Variants in CABLES1 observed in about 807,000 individuals in gnomAD.
The protein encoded by CABLES1 is Cdk5 and Abl enzyme substrate 1, also known as CDK5 and ABL1 enzyme substrate 1.
In CABLES1, 36 loss-of-function variants were observed where a neutral mutation model predicts 57.8. That is an observed-to-expected ratio of 0.62 (90% CI 0.48 to 0.82). The LOEUF (loss-of-function observed/expected upper bound fraction) is 0.82, where lower values mean the gene tolerates loss of function less well. Among genes scored for constraint, CABLES1 ranks in the 40% least tolerant of loss-of-function variants. CABLES1 has a pLI of 0.00. For missense variants in CABLES1, 767 were observed against 836.6 expected (o/e 0.92, Z 1.03); for synonymous variants, 374 against 363.0 (o/e 1.03, Z -0.35).
At chr18:23,254,028 A>G (rs1402609250) in intron 9 of CABLES1, 92 bp downstream of exon 9, 5 of 1,063,416 alleles carry the variant, frequency 4.7e-6, no homozygotes, top group Admixed American at 1.8e-5. Flanking sequence ...CCTGCCTGGA[A>G]GGATTCTGAT....
intron 3 of CABLES1, among the ~76,000 whole-genome samples, chr18:23,195,425 C>T (rs190974048): frequency 1.3e-5 from 2 of 152,282 alleles, no homozygotes; most frequent in East Asian, 3.9e-4. Context: ...CTCTCTAATC[C>T]ATACAAAATG....
intron 1 of CABLES1, among the ~76,000 whole-genome samples, chr18:23,138,777 A>G (rs2046839247): frequency 6.6e-6 from 1 of 152,160 alleles, no homozygotes; most frequent in Non-Finnish European, 1.5e-5. Flanking sequence ...TTCCATGTAC[A>G]TGTTACCTCA....
At chr18:23,143,773 G>C (rs1485837598) in intron 1 of CABLES1, among the ~76,000 whole-genome samples, 4 of 151,986 alleles carry the variant, frequency 2.6e-5, no homozygotes, top group Non-Finnish European at 5.9e-5. Context: ...TTCACAGCCT[G>C]GATAATGTGG....
At chr18:23,186,037 A>C (rs2047199974) in intron 1 of CABLES1, among the ~76,000 whole-genome samples, 1 of 152,214 alleles carries the variant, frequency 6.6e-6, no homozygotes, top group African/African-American at 2.4e-5. Flanking sequence ...TGTGCTTCTC[A>C]GTGCACCCCA....
intron 1 of CABLES1, among the ~76,000 whole-genome samples, chr18:23,147,743 A>G (rs1168158443): frequency 6.6e-6 from 1 of 152,294 alleles, no homozygotes; most frequent in East Asian, 1.9e-4. Context: ...GGGAATTCAC[A>G]TGTTCATCCT....
chr18:23,175,407 T>A (rs1172974880), intron 1 of CABLES1, among the ~76,000 whole-genome samples: 1 of 152,212 alleles, frequency 6.6e-6, no homozygotes, highest in African/African-American at 2.4e-5. Flanking sequence ...TTTGACCTCA[T>A]TCCTGGGCTT....
intron 4 of CABLES1, among the ~76,000 whole-genome samples, chr18:23,220,334 T>C (rs1458190664): frequency 1.3e-5 from 2 of 152,202 alleles, no homozygotes; most frequent in African/African-American, 4.8e-5. Context: ...GTCCACATGC[T>C]TTATATGCGC....
chr18:23,156,011 C>T lies in CABLES1; in HGVS notation c.845+19404C>T. ...AGAGCTGAGTCTGTTTTTTTGGCTC[C>T]CCCCTTTGGATGCTGACGGTCTTTG... On this transcript the variant is annotated intron_variant, in intron 1 of 9. Coordinates refer to ENST00000256925, the MANE Select transcript of CABLES1 (RefSeq NM_001100619.3). 2.5e-6 allele frequency: 4 copies of T among 1,593,464 alleles called. No homozygotes were observed. The South Asian group carries it at 3.3e-5, about 13-fold the overall frequency.
intron 4 of CABLES1, among the ~76,000 whole-genome samples, chr18:23,218,324 C>G (rs77523638): frequency 0.017 from 1,221 of 72,736 alleles, 1 homozygote; most frequent in Middle Eastern, 0.039. Flanking sequence ...ACTTGCCCTG[C>G]CTCCCGCATC....
intron 1 of CABLES1, among the ~76,000 whole-genome samples, chr18:23,167,770 G>T (rs1251212591): frequency 1.3e-5 from 2 of 152,192 alleles, no homozygotes; most frequent in African/African-American, 4.8e-5. Flanking sequence ...GGAAGCGGTG[G>T]TTCCAAGCCA....
chr18:23,135,879 C>T lies in CABLES1; in HGVS notation c.117C>T (p.Pro39=), dbSNP rs1478401567. 1.9e-6 allele frequency: 2 copies of T among 1,044,122 alleles called. No individual in the cohort carries two copies. Among genetic ancestry groups the T allele is most frequent in the Admixed American group, 5.5e-5 (1 of 18,238 alleles). 64.7% of individuals were successfully genotyped at this position (1,044,122 alleles called of 1,614,324 possible). The part of the protein sequence containing the change: ...QQPPPQPQPQ[P]AAAAPAQPPP... Reference sequence around the variant, plus strand: ...CGCCGCCGCAGCCCCAGCCTCAGCCCGCGGCCGCCGCGCCGGCCCAGCCGC... The same window carrying T: ...CGCCGCCGCAGCCCCAGCCTCAGCCTGCGGCCGCCGCGCCGGCCCAGCCGC... Residue 39 remains proline, a synonymous_variant, in exon 1 of 10, where the codon CCC becomes CCT. Transcript: ENST00000256925.
rs2048196991 is a variant in CABLES1 at position 23,257,487 on chromosome 18, T to A, written c.*120T>A. On this transcript the variant is annotated 3_prime_UTR_variant, in exon 10 of 10. Transcript: ENST00000256925. ...TACCAGACTTTTCTTCCTCTCGACA[T>A]AGTTTGGGGAGAAGCAGTACTAGAA... 2 of 1,159,294 alleles carry A rather than the reference T, an allele frequency of 1.7e-6. No individual in the cohort carries two copies. Among genetic ancestry groups the A allele is most frequent in the African/African-American group, 3.1e-5 (2 of 63,664 alleles). 71.8% of individuals were successfully genotyped at this position (1,159,294 alleles called of 1,614,324 possible). A position where few individuals can be genotyped will look rare whatever the true frequency, so the allele number is the denominator to read the frequency against.
intron 1 of CABLES1, among the ~76,000 whole-genome samples, chr18:23,144,249 G>C (rs1225124644): frequency 1.3e-5 from 2 of 152,214 alleles, no homozygotes; most frequent in East Asian, 3.8e-4. Flanking sequence ...GATTGCCCTG[G>C]GGCCAGCTTT....
chr18:23,170,250 G>C (rs1167627298), intron 1 of CABLES1, among the ~76,000 whole-genome samples: 1 of 152,222 alleles, frequency 6.6e-6, no homozygotes, highest in Non-Finnish European at 1.5e-5. Flanking sequence ...CCTTAGCAGA[G>C]TGCATGGCGC....
chr18:23,215,774 G>T (rs966773580), intron 4 of CABLES1, among the ~76,000 whole-genome samples: 6 of 148,400 alleles, frequency 4.0e-5, no homozygotes, highest in African/African-American at 1.5e-4. Flanking sequence ...TTTTTTTTGA[G>T]ACAGAGTCTT....
Position 23,208,596 on chromosome 18 carries a change from G to A in CABLES1, c.1011-5381G>A, listed in dbSNP as rs73968407. ...GGACATTGGCCTTCATGCCTTCACC[G>A]TCTCTGTGCACAGCACTCATAGTGT... On this transcript the variant is annotated intron_variant, in intron 3 of 9. Transcript: ENST00000256925. Among the ~76,000 whole-genome samples, 382 of 152,274 alleles carry A rather than the reference G, an allele frequency of 2.5e-3. 1 individual carries two copies. Among genetic ancestry groups the A allele is most frequent in the African/African-American group, 8.4e-3 (349 of 41,570 alleles).
intron 9 of CABLES1, among the ~76,000 whole-genome samples, chr18:23,255,734 T>C (rs966285563): frequency 5.3e-5 from 8 of 151,902 alleles, no homozygotes; most frequent in Non-Finnish European, 1.0e-4. Flanking sequence ...TAATTTTTTT[T>C]ATTTTTTATA....
At chr18:23,240,561 C>T (rs2047710075) in intron 7 of CABLES1, among the ~76,000 whole-genome samples, 1 of 152,260 alleles carries the variant, frequency 6.6e-6, no homozygotes, top group Non-Finnish European at 1.5e-5. Context: ...GTGAGGATCT[C>T]TGCCCAGACA....
At chr18:23,138,439 T>C (rs895818381) in intron 1 of CABLES1, among the ~76,000 whole-genome samples, 2 of 152,202 alleles carry the variant, frequency 1.3e-5, no homozygotes, top group African/African-American at 4.8e-5. Flanking sequence ...TTCTGAATAA[T>C]CCGTATCTGG....
Sources: allele counts gnomAD v4.1 joint callset (sites outside exome capture counted in the v4.1 genomes callset), GRCh38; gene constraint gnomAD v4.1.1; transcripts MANE v1.5; gene names NCBI Gene and HGNC (gene_info 2026-07-23, HGNC 2026-07-21).